DLG2: variants seen among roughly 807,000 people sequenced by gnomAD.
The protein encoded by DLG2 is disks large homolog 2.
A neutral mutation model predicts 132.5 loss-of-function variants in DLG2; 45 were observed. The ratio of observed to expected loss-of-function variants is 0.34; its 90% CI spans 0.27 to 0.44. The LOEUF is 0.44. Among genes scored for constraint, DLG2 ranks in the 20% least tolerant of loss-of-function variants. The probability of loss-of-function intolerance (pLI) is 1.00; values close to 1 mark genes in which losing one functional copy is unlikely to be tolerated. For missense variants in DLG2, 1,045 were observed against 1,196.9 expected (o/e 0.87, Z 1.87); for synonymous variants, 424 against 419.6 (o/e 1.01, Z -0.13).
chr11:85,226,228 C>A (rs1264630077), intron 4 of DLG2, among the ~76,000 whole-genome samples: 1 of 150,944 alleles, frequency 6.6e-6, no homozygotes, highest in African/African-American at 2.4e-5. Context: ...ATATGTAGAG[C>A]ACATTTATTA....
chr11:84,095,606 T>C (rs1218492551), intron 10 of DLG2, among the ~76,000 whole-genome samples: 3 of 152,178 alleles, frequency 2.0e-5, no homozygotes, highest in African/African-American at 7.2e-5. Flanking sequence ...TAGCACTACC[T>C]AATAATCTTA....
intron 6 of DLG2, among the ~76,000 whole-genome samples, chr11:84,831,630 G>C (rs2079066233): frequency 6.6e-6 from 1 of 151,570 alleles, no homozygotes; most frequent in Admixed American, 6.6e-5. Context: ...CCTGAATTAG[G>C]TTTCTGATGG....
At chr11:84,483,302 G>A (rs2099142532) in intron 7 of DLG2, among the ~76,000 whole-genome samples, 1 of 151,598 alleles carries the variant, frequency 6.6e-6, no homozygotes, top group African/African-American at 2.4e-5. Flanking sequence ...CATGATGGCG[G>A]GTGCCTGTAA....
At chr11:83,579,916 G>A (rs1156341550) in intron 19 of DLG2, among the ~76,000 whole-genome samples, 1 of 152,000 alleles carries the variant, frequency 6.6e-6, no homozygotes, top group Non-Finnish European at 1.5e-5. Flanking sequence ...GGTGCAGTGA[G>A]CCGAGATCTC....
intron 6 of DLG2, among the ~76,000 whole-genome samples, chr11:84,602,556 G>C (rs1047869294): frequency 1.3e-5 from 2 of 151,764 alleles, no homozygotes; most frequent in African/African-American, 2.4e-5. Context: ...TCTAAATTTA[G>C]CTCTGTAAAC....
chr11:84,006,246 T>C (rs1286395261), intron 11 of DLG2, among the ~76,000 whole-genome samples: 1 of 151,804 alleles, frequency 6.6e-6, no homozygotes, highest in Non-Finnish European at 1.5e-5. Context: ...ATTGCATGTT[T>C]TCACTTACAT....
chr11:85,440,577 C>T (rs2091728974), intron 3 of DLG2, among the ~76,000 whole-genome samples: 2 of 152,164 alleles, frequency 1.3e-5, no homozygotes. Flanking sequence ...TCACAAGTGT[C>T]TTTATGCTCA....
intron 6 of DLG2, among the ~76,000 whole-genome samples, chr11:84,934,761 TTTATA>T (rs1410513482): frequency 2.6e-5 from 4 of 151,890 alleles, no homozygotes; most frequent in African/African-American, 9.7e-5. Flanking sequence ...GTACCAGACT[TTTATA>T]TGCCCGAGTT....
chr11:84,574,727 C>T (rs187698226), intron 6 of DLG2, among the ~76,000 whole-genome samples: 8 of 152,272 alleles, frequency 5.3e-5, no homozygotes, highest in Middle Eastern at 3.4e-3. Context: ...TCATCATCTC[C>T]GTGTGCTCTT....
chr11:83,626,847 A>G (rs1324071011), intron 19 of DLG2, among the ~76,000 whole-genome samples: 1 of 152,166 alleles, frequency 6.6e-6, no homozygotes, highest in Non-Finnish European at 1.5e-5. Context: ...TGGATGAGAA[A>G]TGCTGATGAG....
At chr11:84,496,100 G>C (rs1056078266) in intron 7 of DLG2, among the ~76,000 whole-genome samples, 1 of 152,142 alleles carries the variant, frequency 6.6e-6, no homozygotes, top group Non-Finnish European at 1.5e-5. Context: ...TAGGTGGAGA[G>C]AATATTCTGG....
At chr11:84,847,107 T>G (rs569247870) in intron 6 of DLG2, among the ~76,000 whole-genome samples, 1 of 152,114 alleles carries the variant, frequency 6.6e-6, no homozygotes, top group Non-Finnish European at 1.5e-5. Flanking sequence ...AGTCATTATA[T>G]CCACATAGCA....
intron 11 of DLG2, among the ~76,000 whole-genome samples, chr11:83,999,331 C>T (rs117998674): frequency 2.7e-3 from 415 of 152,278 alleles, no homozygotes; most frequent in Non-Finnish European, 3.8e-3. Flanking sequence ...TCAGCTGGCA[C>T]CTACCTGCAT....
At chr11:85,492,423 T>C (rs1371967825) in intron 3 of DLG2, among the ~76,000 whole-genome samples, 4 of 152,174 alleles carry the variant, frequency 2.6e-5, no homozygotes, top group South Asian at 2.1e-4. Context: ...GCTGTCTAGA[T>C]ATACCATGGT....
chr11:85,346,648 G>C (rs2082871325), intron 3 of DLG2, among the ~76,000 whole-genome samples: 1 of 152,114 alleles, frequency 6.6e-6, no homozygotes. Flanking sequence ...TAAACATCTA[G>C]AGGCAAGAAA....
chr11:84,734,210 T>C (rs1419062060), intron 6 of DLG2, among the ~76,000 whole-genome samples: 1 of 152,188 alleles, frequency 6.6e-6, no homozygotes, highest in African/African-American at 2.4e-5. Flanking sequence ...TGGCATTCAA[T>C]CTATAAATTA....
chr11:83,913,711 C>T (rs1172835607), intron 15 of DLG2, among the ~76,000 whole-genome samples: 2 of 151,914 alleles, frequency 1.3e-5, no homozygotes, highest in Non-Finnish European at 2.9e-5. Context: ...GGTACATGTG[C>T]CCATTAAGAG....
At chr11:85,108,551 CA>C (rs1396177854) in intron 6 of DLG2, among the ~76,000 whole-genome samples, 1 of 80,622 alleles carries the variant, frequency 1.2e-5, no homozygotes, top group Admixed American at 1.1e-4. Context: ...GTTAACCGCC[CA>C]TTTTTTTTAT....
At chr11:84,744,281 C>T (rs1319295070) in intron 6 of DLG2, among the ~76,000 whole-genome samples, 1 of 152,116 alleles carries the variant, frequency 6.6e-6, no homozygotes, top group Admixed American at 6.5e-5. Flanking sequence ...AATTTCTATA[C>T]ATAGAAATAC....
Sources: gnomAD v4.1 joint callset for allele counts (sites outside exome capture counted in the v4.1 genomes callset) on GRCh38, gnomAD v4.1.1 for gene constraint, MANE v1.5 for transcripts, NCBI Gene and HGNC (gene_info 2026-07-23, HGNC 2026-07-21) for gene names.